BMPR1B: variants seen among roughly 807,000 people sequenced by gnomAD.
The protein encoded by BMPR1B is bone morphogenetic protein receptor type-1B.
BMPR1B carries 12 observed loss-of-function variants against 59.1 expected under a neutral mutation model. The ratio of observed to expected loss-of-function variants is 0.20; its 90% CI spans 0.13 to 0.33. The LOEUF (loss-of-function observed/expected upper bound fraction) is 0.33. Ranked by LOEUF, BMPR1B falls within the 10% of genes least tolerant of loss-of-function variation. The probability of loss-of-function intolerance (pLI) is 1.00; values close to 1 mark genes in which losing one functional copy is unlikely to be tolerated. For synonymous variants in BMPR1B, 237 were observed against 207.3 expected (o/e 1.14, Z -1.23); for missense variants, 550 against 610.9 (o/e 0.90, Z 1.05).
In BMPR1B at chr4:95,023,672, C is replaced by G. The variant is rs923285284; in HGVS notation, c.-18+27538C>G. Among the ~76,000 whole-genome samples the G allele has an allele frequency of 4.5e-4, 69 of 152,256 alleles. 1 individual carries two copies. Among genetic ancestry groups the G allele is most frequent in the African/African-American group, 1.5e-3 (64 of 41,564 alleles). On this transcript the variant is annotated intron_variant, in intron 3 of 12. Coordinates refer to ENST00000515059, the MANE Select transcript of BMPR1B (RefSeq NM_001203.3). ...AAAGTGCTGAGATTACAGGCATGAGCCACCGCATGCAGCCTCACTTCCTTT... is the reference window on the plus strand; with the variant it reads ...AAAGTGCTGAGATTACAGGCATGAGGCACCGCATGCAGCCTCACTTCCTTT...
chr4:94,899,451 A>G (rs1217704496), intron 2 of BMPR1B, among the ~76,000 whole-genome samples: 1 of 149,726 alleles, frequency 6.7e-6, no homozygotes, highest in Non-Finnish European at 1.5e-5. Context: ...ACATACACAC[A>G]CACATATATA....
At chr4:94,900,117 A>ATT (rs3836568) in intron 2 of BMPR1B, among the ~76,000 whole-genome samples, 2 of 147,448 alleles carry the variant, frequency 1.4e-5, no homozygotes, top group Admixed American at 6.8e-5. Context: ...TGAAAACAGG[A>ATT]TTTTTTTTTT....
At chr4:94,876,872 T>C (rs1726753204) in intron 2 of BMPR1B, among the ~76,000 whole-genome samples, 1 of 152,212 alleles carries the variant, frequency 6.6e-6, no homozygotes, top group Non-Finnish European at 1.5e-5. Context: ...ATACTTTAAA[T>C]CCTTATAAAT....
chr4:94,916,982 G>A (rs989504908), intron 2 of BMPR1B, among the ~76,000 whole-genome samples: 1 of 152,238 alleles, frequency 6.6e-6, no homozygotes, highest in Non-Finnish European at 1.5e-5. Context: ...TCTCAAAGGG[G>A]CCTAGGTATA....
intron 3 of BMPR1B, chr4:95,103,484 A>G (rs994381889): frequency 1.0e-6 from 1 of 985,354 alleles, no homozygotes; most frequent in Non-Finnish European, 1.2e-6. Flanking sequence ...TGGCATGTAT[A>G]AGAGCTCTTA....
intron 1 of BMPR1B, among the ~76,000 whole-genome samples, chr4:94,760,993 A>G (rs1721740135): frequency 6.6e-6 from 1 of 152,214 alleles, no homozygotes; most frequent in Non-Finnish European, 1.5e-5. Flanking sequence ...GATGAGGCCC[A>G]GAGAGTTTGA....
chr4:95,034,829 CTTTTAGTTCTAT>C (rs1560608461), intron 3 of BMPR1B, among the ~76,000 whole-genome samples: 1 of 151,902 alleles, frequency 6.6e-6, no homozygotes, highest in African/African-American at 2.4e-5. Flanking sequence ...GGTAGTTCTA[CTTTTAGTTCTAT>C]AAGGAATTTC....
At chr4:94,767,682 C>G (rs1243575813) in intron 1 of BMPR1B, among the ~76,000 whole-genome samples, 1 of 152,088 alleles carries the variant, frequency 6.6e-6, no homozygotes, top group Non-Finnish European at 1.5e-5. Context: ...GGAGCTATTT[C>G]TGGAACCAAT....
At chr4:94,899,658 G>A (rs1727729135) in intron 2 of BMPR1B, among the ~76,000 whole-genome samples, 1 of 151,826 alleles carries the variant, frequency 6.6e-6, no homozygotes, top group South Asian at 2.1e-4. Flanking sequence ...AGCAAAAGAA[G>A]CGTTGATGTT....
chr4:94,980,968 C>G (rs1160126478), intron 2 of BMPR1B, among the ~76,000 whole-genome samples: 1 of 151,036 alleles, frequency 6.6e-6, no homozygotes, highest in Non-Finnish European at 1.5e-5. Context: ...ACCCTCCAGC[C>G]TAGGTGGCAG....
chr4:95,062,708 T>A (rs182889593), intron 3 of BMPR1B, among the ~76,000 whole-genome samples: 200 of 152,316 alleles, frequency 1.3e-3, no homozygotes, highest in African/African-American at 4.4e-3. Flanking sequence ...TTCCTTTCCA[T>A]TGTAGGATAT....
At chr4:95,066,340 T>C (rs1470347445) in intron 3 of BMPR1B, among the ~76,000 whole-genome samples, 4 of 151,962 alleles carry the variant, frequency 2.6e-5, no homozygotes, top group Admixed American at 2.0e-4. Context: ...TCCTAGAATA[T>C]TGTTTCATGC....
At chr4:94,812,429 A>C (rs952007116) in intron 1 of BMPR1B, among the ~76,000 whole-genome samples, 8 of 152,200 alleles carry the variant, frequency 5.3e-5, no homozygotes, top group Non-Finnish European at 4.4e-5. Context: ...TGGATGCTGG[A>C]ATTCCAAAAA....
At chr4:95,076,619 TTGTC>T (rs993334235) in intron 3 of BMPR1B, among the ~76,000 whole-genome samples, 14 of 152,038 alleles carry the variant, frequency 9.2e-5, no homozygotes. Context: ...GTTAAGTAAA[TTGTC>T]TGAGGTCACA....
chr4:95,134,531 T>G (rs954685611), intron 10 of BMPR1B, among the ~76,000 whole-genome samples: 6 of 152,202 alleles, frequency 3.9e-5, no homozygotes, highest in Admixed American at 3.3e-4. Context: ...CAGCACCTGT[T>G]GTTTCCTGAC....
Position 95,157,709 on chromosome 4 carries a change from G to A in BMPR1B, c.*3036G>A, listed in dbSNP as rs1035714241. 1.3e-4 allele frequency: 20 copies of A among 151,752 alleles called. No individual in the cohort carries two copies. Among genetic ancestry groups the A allele is most frequent in the Admixed American group, 1.1e-3 (17 of 15,222 alleles). The allele number at this position is 151,752 out of a possible 1,614,324, so 9.4% of individuals were successfully genotyped here. A position where few individuals can be genotyped will look rare whatever the true frequency, so the allele number is the denominator to read the frequency against. On this transcript the variant is annotated 3_prime_UTR_variant, in exon 13 of 13. Transcript: ENST00000515059. ...TGTGGATTAGAGAGTAAGATATTAT[G>A]GATGATAAAGTACTAAATGAAACAT... is the stretch of plus-strand genomic sequence containing the variant.
chr4:95,140,070 C>T (rs1301339786), intron 10 of BMPR1B, among the ~76,000 whole-genome samples: 1 of 152,180 alleles, frequency 6.6e-6, no homozygotes, highest in Non-Finnish European at 1.5e-5. Context: ...GTAACTTCCC[C>T]ACCTGCTGTT....
chr4:95,021,861 G>A lies in BMPR1B; in HGVS notation c.-18+25727G>A, dbSNP rs1315983105. Among the ~76,000 whole-genome samples, 12 of 152,310 alleles carry A rather than the reference G, an allele frequency of 7.9e-5. No homozygotes were observed. The East Asian group carries it at 2.1e-3, about 27-fold the overall frequency. On this transcript the variant is annotated intron_variant, in intron 3 of 12. Transcript: ENST00000515059. ...TTCTTTTGAACTGGTCTATTCTCAT[G>A]TATTGGCAAAGCACGTTCTATCTAA...
At chr4:94,760,368 A>C (rs1721711242) in intron 1 of BMPR1B, among the ~76,000 whole-genome samples, 1 of 152,344 alleles carries the variant, frequency 6.6e-6, no homozygotes, top group African/African-American at 2.4e-5. Context: ...AATTGACTTA[A>C]ATTTTTCCTC....
Sources: gnomAD v4.1 joint callset for allele counts (sites outside exome capture counted in the v4.1 genomes callset) on GRCh38, gnomAD v4.1.1 for gene constraint, MANE v1.5 for transcripts, NCBI Gene and HGNC (gene_info 2026-07-23, HGNC 2026-07-21) for gene names.